The following UBE2E2 variants were observed in gnomAD, a reference collection of about 807,000 sequenced individuals.
The protein encoded by UBE2E2 is ubiquitin conjugating enzyme E2 E2, also known as ubiquitin-conjugating enzyme E2 E2.
In UBE2E2, 6 loss-of-function variants were observed where a neutral mutation model predicts 24.7. That is an observed-to-expected ratio of 0.24 (90% confidence interval 0.13 to 0.48). UBE2E2 has a LOEUF of 0.48. Ranked by LOEUF, UBE2E2 falls within the 20% of genes least tolerant of loss-of-function variation. The pLI is 0.99. For synonymous variants in UBE2E2, 104 were observed against 83.6 expected (o/e 1.24, Z -1.33); for missense variants, 169 against 245.0 (o/e 0.69, Z 2.07).
chr3:23,271,681 G>T (rs958319260), intron 3 of UBE2E2, among the ~76,000 whole-genome samples: 21 of 151,888 alleles, frequency 1.4e-4, no homozygotes, highest in African/African-American at 4.8e-4. Context: ...CTAGCTAGAT[G>T]TAAAAGTTCT....
At chr3:23,370,445 G>C (rs9878638) in intron 3 of UBE2E2, among the ~76,000 whole-genome samples, 6,338 of 152,252 alleles carry the variant, frequency 0.042, 454 homozygotes, top group African/African-American at 0.14. Context: ...TTAGAACAAA[G>C]TAAACCCCAT....
intron 3 of UBE2E2, among the ~76,000 whole-genome samples, chr3:23,299,760 G>C (rs1351336898): frequency 6.6e-6 from 1 of 152,178 alleles, no homozygotes; most frequent in Non-Finnish European, 1.5e-5. Flanking sequence ...TGTATACTCT[G>C]TTGATTTGGG....
At chr3:23,587,819 A>G (rs990077206) in intron 5 of UBE2E2, among the ~76,000 whole-genome samples, 1 of 152,248 alleles carries the variant, frequency 6.6e-6, no homozygotes, top group Non-Finnish European at 1.5e-5. Context: ...TTTCATTTCA[A>G]CATCTGAGAA....
Position 23,589,843 on chromosome 3 carries a change from C to T in UBE2E2, c.*12C>T. ...GGTACGCCACATAGGGGCCTGCTGC[C>T]TGCCGCCCCGCGGGACCTGTGCAAG... On this transcript the variant is annotated 3_prime_UTR_variant, in exon 6 of 6. Coordinates refer to ENST00000396703, the MANE Select transcript of UBE2E2 (RefSeq NM_152653.4). The surrounding 1 kb of genome is among the most constrained non-coding windows in gnomAD (Gnocchi z 4.1). 1 of 1,613,892 alleles carries T rather than the reference C, an allele frequency of 6.2e-7. No homozygotes were observed. Among genetic ancestry groups the T allele is most frequent in the Non-Finnish European group, 8.5e-7 (1 of 1,179,814 alleles).
At chr3:23,545,125 C>T (rs374501904) in intron 5 of UBE2E2, among the ~76,000 whole-genome samples, 4 of 152,112 alleles carry the variant, frequency 2.6e-5, no homozygotes, top group African/African-American at 2.4e-5. Flanking sequence ...TGCCCAGGGA[C>T]GGGCAGGAGA....
At chr3:23,357,323 C>G (rs1293559048) in intron 3 of UBE2E2, among the ~76,000 whole-genome samples, 1 of 152,012 alleles carries the variant, frequency 6.6e-6, no homozygotes, top group African/African-American at 2.4e-5. Flanking sequence ...TACCCATTGT[C>G]TAATAACCTT....
intron 3 of UBE2E2, among the ~76,000 whole-genome samples, chr3:23,253,783 A>G (rs1173149344): frequency 1.3e-5 from 2 of 152,210 alleles, no homozygotes; most frequent in East Asian, 3.8e-4. Context: ...GGTATATAGT[A>G]GTATGAAAAG....
At chr3:23,375,058 C>T (rs550810190) in intron 3 of UBE2E2, among the ~76,000 whole-genome samples, 4 of 151,770 alleles carry the variant, frequency 2.6e-5, no homozygotes, top group South Asian at 2.1e-4. Context: ...TGCTTTTATT[C>T]GTATTTACAT....
At chr3:23,250,696 T>C (rs926292128) in intron 3 of UBE2E2, among the ~76,000 whole-genome samples, 2 of 152,240 alleles carry the variant, frequency 1.3e-5, no homozygotes. Context: ...CCTTATGATA[T>C]GGCATACTTC....
chr3:23,256,007 T>C (rs1697712261), intron 3 of UBE2E2, among the ~76,000 whole-genome samples: 1 of 152,178 alleles, frequency 6.6e-6, no homozygotes, highest in African/African-American at 2.4e-5. Context: ...TCTGAGAGTA[T>C]TTATTAGTAA....
chr3:23,229,182 G>A (rs1177414805), intron 3 of UBE2E2, among the ~76,000 whole-genome samples: 1 of 152,174 alleles, frequency 6.6e-6, no homozygotes, highest in East Asian at 1.9e-4. Context: ...GGAGCTAACA[G>A]CTATTGAATG....
intron 3 of UBE2E2, among the ~76,000 whole-genome samples, chr3:23,357,747 A>G (rs1201576336): frequency 6.6e-6 from 1 of 152,226 alleles, no homozygotes; most frequent in African/African-American, 2.4e-5. Flanking sequence ...CCCCAGCAAC[A>G]GTATCTGACT....
chr3:23,349,384 G>C (rs1157827904), intron 3 of UBE2E2, among the ~76,000 whole-genome samples: 2 of 152,216 alleles, frequency 1.3e-5, no homozygotes, highest in Non-Finnish European at 2.9e-5. Context: ...AGTGGGCACA[G>C]GACAGTGGGT....
chr3:23,342,417 T>C (rs1490605792), intron 3 of UBE2E2, among the ~76,000 whole-genome samples: 1 of 152,190 alleles, frequency 6.6e-6, no homozygotes, highest in Non-Finnish European at 1.5e-5. Context: ...ATAGTTTATT[T>C]AGCACAGGAG....
At position 23,298,198 on chromosome 3, in the gene UBE2E2, G is replaced by A. The variant is rs866403453; in HGVS notation, c.227+80886G>A. On this transcript the variant is annotated intron_variant, in intron 3 of 5. Coordinates refer to ENST00000396703, the MANE Select transcript of UBE2E2 (RefSeq NM_152653.4). Reference sequence around the variant, plus strand: ...TGAGGAGATTTTGGGCTGAGACAGCGGGATTTTCTAGATATACAATCATGT... The same window carrying A: ...TGAGGAGATTTTGGGCTGAGACAGCAGGATTTTCTAGATATACAATCATGT... Among the ~76,000 whole-genome samples the A allele has an allele frequency of 3.9e-5, 6 of 152,268 alleles. No homozygotes were observed. The East Asian group carries it at 5.8e-4, about 15-fold the overall frequency.
In UBE2E2 at chr3:23,589,342, G is replaced by A. The variant is rs905661049; in HGVS notation, c.509-392G>A. Among the ~76,000 whole-genome samples the A allele has an allele frequency of 6.6e-6, 1 of 151,764 alleles. No homozygotes were observed. The highest frequency in any genetic ancestry group is 2.4e-5 in the African/African-American group (1 of 41,302). The stretch of plus-strand genomic sequence containing the variant: ...GGCTGAGGCAGGAGGAGGATTGCTT[G>A]ATCCCAGGAGGTCAAGGCTACACTG... On this transcript the variant is annotated intron_variant, in intron 5 of 5. Transcript: ENST00000396703. This position sits in a 1 kb window ranked among gnomAD's most constrained non-coding sequence, Gnocchi z 4.1.
chr3:23,346,475 G>T (rs1695560692), intron 3 of UBE2E2, among the ~76,000 whole-genome samples: 3 of 152,196 alleles, frequency 2.0e-5, no homozygotes. Context: ...TCTGCAAGCA[G>T]TCCATCAGTT....
chr3:23,584,741 T>G (rs548471457), intron 5 of UBE2E2, among the ~76,000 whole-genome samples: 1,838 of 147,628 alleles, frequency 0.012, 36 homozygotes, highest in African/African-American at 0.029. Flanking sequence ...TTTTTTTTTT[T>G]TTTTTTTTTT....
chr3:23,383,530 A>G (rs549710831), intron 3 of UBE2E2, among the ~76,000 whole-genome samples: 9 of 151,946 alleles, frequency 5.9e-5, no homozygotes, highest in Non-Finnish European at 7.4e-5. Context: ...ACCTTTTTCA[A>G]TGCAGATGTA....
Sources: allele counts gnomAD v4.1 joint callset (sites outside exome capture counted in the v4.1 genomes callset), GRCh38; gene constraint gnomAD v4.1.1; non-coding constraint Gnocchi (gnomAD v3.1); transcripts MANE v1.5; gene names NCBI Gene and HGNC (gene_info 2026-07-23, HGNC 2026-07-21).